Variants in PKD1L1 observed in about 807,000 individuals in gnomAD.
The protein encoded by PKD1L1 is polycystin-1-like protein 1.
A neutral mutation model predicts 323.4 loss-of-function variants in PKD1L1; 236 were observed. The ratio of observed to expected loss-of-function variants is 0.73; its 90% CI spans 0.66 to 0.81. The LOEUF (loss-of-function observed/expected upper bound fraction) is 0.81. Among genes scored for constraint, PKD1L1 ranks in the 40% least tolerant of loss-of-function variants. PKD1L1 has a pLI of 0.00. For missense variants in PKD1L1, 3,320 were observed against 3,508.0 expected (o/e 0.95, Z 1.35); for synonymous variants, 1,344 against 1,335.0 (o/e 1.01, Z -0.15).
upstream of PKD1L1, among the ~76,000 whole-genome samples, chr7:47,951,206 T>C (rs1228329389): frequency 2.0e-5 from 3 of 152,152 alleles, no homozygotes; most frequent in Non-Finnish European, 4.4e-5. Context: ...AAAGACTCGA[T>C]CAGGATTTTG....
At chr7:47,897,508 T>C (rs7803879) in intron 14 of PKD1L1, among the ~76,000 whole-genome samples, 66,879 of 152,036 alleles carry the variant, frequency 0.44, 15,089 homozygotes, top group East Asian at 0.53. Flanking sequence ...CTTTTAAAAA[T>C]GACCTCTCCC....
chr7:47,802,890 G>A (rs1051782175), intron 53 of PKD1L1, among the ~76,000 whole-genome samples: 3 of 152,218 alleles, frequency 2.0e-5, no homozygotes, highest in African/African-American at 7.2e-5. Flanking sequence ...TCTATGAGAG[G>A]CCCAAAGTGC....
At position 47,905,850 on chromosome 7, in the gene PKD1L1, C is replaced by A; in HGVS notation, c.1515G>T (p.Lys505Asn). 6.2e-7 allele frequency: 1 copy of A among 1,612,680 alleles called. No individual in the cohort carries two copies. The highest frequency in any genetic ancestry group is 8.5e-7 in the Non-Finnish European group (1 of 1,179,796). The change falls in exon 10 of 57, where the codon AAG becomes AAT. Residue 505 changes from lysine (K) to asparagine (N), a missense_variant. Transcript: ENST00000289672. Reference protein sequence around the residue: ...QAWHSMTVWYKMQSVSVYTNG... With the variant: ...QAWHSMTVWYNMQSVSVYTNG... Reference sequence around the variant, plus strand: ...ATTAAAACAAAGACATACATTGCATCTTATACCAGACAGTCATGCTGTGCC... The same window carrying A: ...ATTAAAACAAAGACATACATTGCATATTATACCAGACAGTCATGCTGTGCC...
chr7:47,789,826 A>G (rs1291512428), intron 56 of PKD1L1, among the ~76,000 whole-genome samples: 1 of 152,144 alleles, frequency 6.6e-6, no homozygotes, highest in East Asian at 1.9e-4. Context: ...TTTCATTTTT[A>G]TGTTACAAAT....
chr7:47,893,851 G>A (rs749590944), intron 15 of PKD1L1, 27 bp downstream of exon 15: 50 of 1,606,216 alleles, frequency 3.1e-5, no homozygotes, highest in African/African-American at 4.0e-5. Context: ...GAGTAGCTGC[G>A]CAGCTCTGTG....
At chr7:47,844,807 AG>A (rs1372994121) in intron 33 of PKD1L1, among the ~76,000 whole-genome samples, 187 bp downstream of exon 33, 1 of 152,252 alleles carries the variant, frequency 6.6e-6, no homozygotes, top group African/African-American at 2.4e-5. Flanking sequence ...TAGAGAGACA[AG>A]ATATATAAGT....
At position 47,803,227 on chromosome 7, in the gene PKD1L1, T is replaced by C; in HGVS notation, c.7945A>G (p.Ser2649Gly). ...GTTCTTACCCCTGCTACAAAGATGCTGGGGAGTGAGTGGCGCATCATGGAG... is the reference window on the plus strand; with the variant it reads ...GTTCTTACCCCTGCTACAAAGATGCCGGGGAGTGAGTGGCGCATCATGGAG... ...CSSMMRHSLP[S>G]IFVAGLVGAL... Residue 2649 changes from serine (S) to glycine (G), a missense_variant, in exon 53 of 57, where the codon AGC becomes GGC. By Grantham distance (56) the Ser-to-Gly change is moderately conservative. Coordinates refer to ENST00000289672, the MANE Select transcript of PKD1L1 (RefSeq NM_138295.5). 6 of 1,614,072 alleles carry C rather than the reference T, an allele frequency of 3.7e-6. No homozygotes were observed. Among genetic ancestry groups the C allele is most frequent in the Non-Finnish European group, 5.1e-6 (6 of 1,180,004 alleles).
At chr7:47,845,826 C>T (rs144892963) in intron 32 of PKD1L1, among the ~76,000 whole-genome samples, 142 of 152,290 alleles carry the variant, frequency 9.3e-4, no homozygotes, top group African/African-American at 3.2e-3. Flanking sequence ...AGTGATCCAC[C>T]TGTCTCAGCC....
chr7:47,852,587 T>C (rs1223476959), intron 31 of PKD1L1, among the ~76,000 whole-genome samples: 1 of 152,166 alleles, frequency 6.6e-6, no homozygotes, highest in Non-Finnish European at 1.5e-5. Flanking sequence ...CTCCAGTTTC[T>C]TGCTTTTTTG....
chr7:47,820,224 A>G (rs1038536492), intron 46 of PKD1L1, among the ~76,000 whole-genome samples: 2 of 152,198 alleles, frequency 1.3e-5, no homozygotes, highest in African/African-American at 2.4e-5. Context: ...ATGCATCCCA[A>G]TTTTAGAAGC....
intron 46 of PKD1L1, among the ~76,000 whole-genome samples, chr7:47,820,119 CTGTT>C (rs1220570972): frequency 1.3e-5 from 2 of 152,144 alleles, no homozygotes; most frequent in Admixed American, 6.5e-5. Context: ...ATCAGACTGA[CTGTT>C]TGTGGCAGGT....
chr7:47,805,897 T>C (rs752241921), intron 52 of PKD1L1, among the ~76,000 whole-genome samples: 6 of 152,170 alleles, frequency 3.9e-5, no homozygotes, highest in Non-Finnish European at 5.9e-5. Flanking sequence ...CGTGATTATA[T>C]AGAATTTATG....
chr7:47,795,462 C>CT (rs1387375976), intron 55 of PKD1L1: 1 of 424,396 alleles, frequency 2.4e-6, no homozygotes, highest in Admixed American at 2.7e-5. Flanking sequence ...AATTAAACTT[C>CT]TTTTTGTTCC....
chr7:47,785,887 G>A (rs1024066218), intron 56 of PKD1L1, among the ~76,000 whole-genome samples: 8 of 151,740 alleles, frequency 5.3e-5, no homozygotes, highest in Non-Finnish European at 5.9e-5. Flanking sequence ...GATTATAGGC[G>A]CCCATCACCA....
At chr7:47,862,378 G>C (rs544743489) in intron 26 of PKD1L1, among the ~76,000 whole-genome samples, 1 of 152,032 alleles carries the variant, frequency 6.6e-6, no homozygotes, top group Non-Finnish European at 1.5e-5. Context: ...AGATGAGGAG[G>C]GGAGACTCAG....
chr7:47,904,227 C>A, intron 12 of PKD1L1, 151 bp downstream of exon 12: 1 of 1,059,310 alleles, frequency 9.4e-7, no homozygotes, highest in Non-Finnish European at 1.3e-6. Flanking sequence ...CCTTGAGAAG[C>A]ATGGTCAGGT....
chr7:47,799,745 C>A (rs911638840), intron 54 of PKD1L1, among the ~76,000 whole-genome samples: 1 of 152,138 alleles, frequency 6.6e-6, no homozygotes, highest in African/African-American at 2.4e-5. Context: ...TAAGTGTGGA[C>A]AGCATGCCTA....
chr7:47,867,528 T>C (rs550286995), intron 24 of PKD1L1, among the ~76,000 whole-genome samples: 7 of 152,144 alleles, frequency 4.6e-5, no homozygotes, highest in African/African-American at 1.7e-4. Context: ...TGTCCAGTTA[T>C]CAATGAAAAA....
intron 55 of PKD1L1, among the ~76,000 whole-genome samples, chr7:47,794,648 C>A (rs1697528184): frequency 6.6e-6 from 1 of 152,184 alleles, no homozygotes; most frequent in East Asian, 1.9e-4. Context: ...CTCCAGACTC[C>A]AGAATGGTGG....
Sources: gnomAD v4.1 joint callset for allele counts (sites outside exome capture counted in the v4.1 genomes callset) on GRCh38, gnomAD v4.1.1 for gene constraint, MANE v1.5 for transcripts, NCBI Gene and HGNC (gene_info 2026-07-23, HGNC 2026-07-21) for gene names.